Variants in DLG2 observed in about 807,000 individuals in gnomAD.
The protein encoded by DLG2 is discs large MAGUK scaffold protein 2, also known as disks large homolog 2.
DLG2 carries 45 observed loss-of-function variants against 132.5 expected under a neutral mutation model. That is an observed-to-expected ratio of 0.34 (90% CI 0.27 to 0.44). The LOEUF is 0.44. Ranked by LOEUF, DLG2 falls within the 20% of genes least tolerant of loss-of-function variation. DLG2 has a pLI of 1.00. For synonymous variants in DLG2, 424 were observed against 419.6 expected, an observed-to-expected ratio of 1.01 and a Z score of -0.13; for missense variants, 1,045 against 1,196.9, an observed-to-expected ratio of 0.87 and a Z score of 1.87.
intron 15 of DLG2, among the ~76,000 whole-genome samples, chr11:83,915,569 AATTT>A (rs2076789593): frequency 6.6e-6 from 1 of 152,192 alleles, no homozygotes; most frequent in African/African-American, 2.4e-5. Context: ...TCTTCTGAAT[AATTT>A]ATTTGAATAA....
chr11:83,952,728 A>G (rs2085779786), intron 14 of DLG2, among the ~76,000 whole-genome samples: 1 of 152,180 alleles, frequency 6.6e-6, no homozygotes, highest in Non-Finnish European at 1.5e-5. Context: ...AGTATGGTCC[A>G]AATTACATGA....
At chr11:85,068,196 T>C (rs755470659) in intron 6 of DLG2, among the ~76,000 whole-genome samples, 2 of 152,114 alleles carry the variant, frequency 1.3e-5, no homozygotes, top group Admixed American at 6.6e-5. Context: ...GCCAATATCA[T>C]ACTGAATGGC....
rs183689119 is a variant in DLG2 at position 83,712,077 on chromosome 11, C to T, written c.1825+74613G>A. Among the ~76,000 whole-genome samples, 399 of 152,096 alleles carry T rather than the reference C, an allele frequency of 2.6e-3. 1 individual carries two copies. Among genetic ancestry groups the T allele is most frequent in the Non-Finnish European group, 4.4e-3 (301 of 67,986 alleles). On this transcript the variant is annotated intron_variant, in intron 18 of 27. Transcript: ENST00000376104. ...CTGTTGGTGGGAGTGTAAATAAGTC[C>T]AACCATTGTGGAAGACAGTGTAGTG...
intron 8 of DLG2, among the ~76,000 whole-genome samples, chr11:84,173,998 G>C (rs1422506569): frequency 5.0e-5 from 3 of 59,790 alleles, no homozygotes; most frequent in African/African-American, 1.7e-4. Context: ...CCTGAGTTTT[G>C]ACTTCACCCC....
At chr11:84,097,961 C>G (rs928234926) in intron 10 of DLG2, among the ~76,000 whole-genome samples, 1 of 150,888 alleles carries the variant, frequency 6.6e-6, no homozygotes, top group Admixed American at 6.6e-5. Context: ...TAGCCCAGCT[C>G]AAGCAGCTAC....
At chr11:84,197,865 A>G (rs1167620430) in intron 8 of DLG2, among the ~76,000 whole-genome samples, 1 of 152,192 alleles carries the variant, frequency 6.6e-6, no homozygotes, top group Non-Finnish European at 1.5e-5. Flanking sequence ...TTTCACTAAA[A>G]TACTTCTCAG....
chr11:83,908,370 A>G (rs1756963930), intron 15 of DLG2, among the ~76,000 whole-genome samples: 1 of 151,440 alleles, frequency 6.6e-6, no homozygotes, highest in Non-Finnish European at 1.5e-5. Flanking sequence ...TCCTCTGAAC[A>G]CTTGAGATCT....
At chr11:84,500,743 C>T (rs993153303) in intron 7 of DLG2, among the ~76,000 whole-genome samples, 2 of 152,158 alleles carry the variant, frequency 1.3e-5, no homozygotes, top group African/African-American at 4.8e-5. Flanking sequence ...CCAAGGTACA[C>T]TGGGATCAGA....
At chr11:83,714,312 G>T (rs146367450) in intron 18 of DLG2, among the ~76,000 whole-genome samples, 171 of 152,228 alleles carry the variant, frequency 1.1e-3, no homozygotes, top group African/African-American at 3.9e-3. Flanking sequence ...TAAAGAAAAA[G>T]AGGAAAAGAA....
At chr11:84,303,153 T>A (rs1383329831) in intron 7 of DLG2, among the ~76,000 whole-genome samples, 1 of 152,064 alleles carries the variant, frequency 6.6e-6, no homozygotes, top group South Asian at 2.1e-4. Context: ...GTTGGAAACA[T>A]ATTTTTAAAA....
At chr11:85,564,437 C>A (rs1380406764) in intron 3 of DLG2, among the ~76,000 whole-genome samples, 1 of 151,846 alleles carries the variant, frequency 6.6e-6, no homozygotes, top group Non-Finnish European at 1.5e-5. Flanking sequence ...ACATGATATG[C>A]CCAAAGTTCA....
intron 6 of DLG2, among the ~76,000 whole-genome samples, chr11:84,611,408 A>G (rs773436789): frequency 1.8e-4 from 28 of 152,260 alleles, no homozygotes; most frequent in Middle Eastern, 3.4e-3. Context: ...CAACTATTGA[A>G]CAATATGGTT....
chr11:84,880,451 C>T (rs2087122057), intron 6 of DLG2, among the ~76,000 whole-genome samples: 1 of 152,162 alleles, frequency 6.6e-6, no homozygotes, highest in African/African-American at 2.4e-5. Flanking sequence ...AGAGCTGGAA[C>T]AGCCTGAGAC....
chr11:83,557,877 G>C (rs2096546366), intron 19 of DLG2, among the ~76,000 whole-genome samples: 1 of 152,252 alleles, frequency 6.6e-6, no homozygotes, highest in South Asian at 2.1e-4. Flanking sequence ...TGTTTGTCAA[G>C]GAAGAGGCTC....
At chr11:84,162,578 T>C (rs2095571490) in intron 9 of DLG2, among the ~76,000 whole-genome samples, 1 of 152,112 alleles carries the variant, frequency 6.6e-6, no homozygotes, top group East Asian at 1.9e-4. Flanking sequence ...AATACACACA[T>C]TCATCGTGTA....
chr11:84,180,950 G>C (rs138531390), intron 8 of DLG2, among the ~76,000 whole-genome samples: 3 of 151,692 alleles, frequency 2.0e-5, no homozygotes, highest in African/African-American at 7.2e-5. Context: ...AATCATAAAG[G>C]TCAGAAACAT....
chr11:85,508,492 C>A lies in DLG2; in HGVS notation c.40+90165G>T, dbSNP rs532109362. Among the ~76,000 whole-genome samples, 72 of 152,156 alleles carry A rather than the reference C, an allele frequency of 4.7e-4. 1 individual carries two copies. The highest frequency in any genetic ancestry group is 1.6e-3 in the African/African-American group (66 of 41,566). ...TAGGTATGTTCTTTATCCCCCTACT[C>A]TGTTTTATTTTTTGTGGTGCTTACC... On this transcript the variant is annotated intron_variant, in intron 3 of 27. Transcript: ENST00000376104.
At chr11:83,843,352 T>A (rs140078509) in intron 16 of DLG2, among the ~76,000 whole-genome samples, 1 of 152,284 alleles carries the variant, frequency 6.6e-6, no homozygotes, top group East Asian at 1.9e-4. Flanking sequence ...AGGTACAATC[T>A]CCTCTCTGCT....
chr11:84,174,429 T>C (rs2095900149), intron 8 of DLG2, among the ~76,000 whole-genome samples: 1 of 152,130 alleles, frequency 6.6e-6, no homozygotes. Context: ...AACCTACCTT[T>C]CTAGCTAAAT....
Sources: gnomAD v4.1 joint callset for allele counts (sites outside exome capture counted in the v4.1 genomes callset) on GRCh38, gnomAD v4.1.1 for gene constraint, MANE v1.5 for transcripts, NCBI Gene and HGNC (gene_info 2026-07-23, HGNC 2026-07-21) for gene names.